The following ASTN2 variants were observed in gnomAD, a reference collection of about 807,000 sequenced individuals.
ASTN2 encodes astrotactin 2.
ASTN2 carries 54 observed loss-of-function variants against 139.8 expected under a neutral mutation model. That is an observed-to-expected ratio of 0.39 (90% CI 0.31 to 0.48). The LOEUF is 0.48. ASTN2 is among the 20% of genes least tolerant of loss of function. The pLI is 0.95. For missense variants in ASTN2, 1,565 were observed against 1,725.1 expected (o/e 0.91, Z 1.64); for synonymous variants, 756 against 719.5 (o/e 1.05, Z -0.81).
At chr9:117,003,940 A>C (rs1180121223) in intron 7 of ASTN2, among the ~76,000 whole-genome samples, 2 of 144,538 alleles carry the variant, frequency 1.4e-5, no homozygotes, top group African/African-American at 5.3e-5. Context: ...TGTTTCTTTC[A>C]CGCGCGCGCG....
At chr9:117,053,407 G>A (rs1264643059) in intron 5 of ASTN2, among the ~76,000 whole-genome samples, 2 of 152,042 alleles carry the variant, frequency 1.3e-5, no homozygotes, top group Admixed American at 6.6e-5. Context: ...CGCTATGATC[G>A]TGCCACTGTA....
chr9:117,197,157 T>G (rs1375747443), intron 3 of ASTN2: 1 of 152,302 alleles, frequency 6.6e-6, no homozygotes, highest in East Asian at 1.9e-4. Flanking sequence ...TGTCACCCCA[T>G]TGATCACCAG....
intron 5 of ASTN2, among the ~76,000 whole-genome samples, chr9:117,082,926 A>G (rs867570181): frequency 6.6e-6 from 1 of 152,206 alleles, no homozygotes; most frequent in Non-Finnish European, 1.5e-5. Context: ...CCTCTCGTCC[A>G]TATTTCAGGT....
At chr9:117,260,479 C>T (rs1833795517) in intron 2 of ASTN2, among the ~76,000 whole-genome samples, 1 of 152,092 alleles carries the variant, frequency 6.6e-6, no homozygotes, top group South Asian at 2.1e-4. Flanking sequence ...ACTTCATGTG[C>T]TTTAGTGCAT....
intron 10 of ASTN2, among the ~76,000 whole-genome samples, chr9:116,925,235 C>A (rs1834721780): frequency 6.6e-6 from 1 of 152,170 alleles, no homozygotes; most frequent in African/African-American, 2.4e-5. Context: ...ACCACCACTA[C>A]CATCATCATA....
intron 13 of ASTN2, among the ~76,000 whole-genome samples, chr9:116,759,591 G>C (rs1339825444): frequency 6.6e-6 from 1 of 152,022 alleles, no homozygotes; most frequent in Non-Finnish European, 1.5e-5. Flanking sequence ...CTTTCTGCTT[G>C]TATACTGATG....
chr9:117,179,956 T>C (rs1201941305), intron 3 of ASTN2, among the ~76,000 whole-genome samples: 1 of 152,238 alleles, frequency 6.6e-6, no homozygotes, highest in South Asian at 2.1e-4. Context: ...GGTTCTCATT[T>C]GATAGATGGG....
chr9:116,869,187 A>G (rs1833091259), intron 10 of ASTN2, among the ~76,000 whole-genome samples: 1 of 152,188 alleles, frequency 6.6e-6, no homozygotes, highest in African/African-American at 2.4e-5. Context: ...TCCTGTCTCA[A>G]AAAGAAAGAA....
At chr9:117,293,395 C>T (rs1016198145) in intron 1 of ASTN2, among the ~76,000 whole-genome samples, 1 of 152,122 alleles carries the variant, frequency 6.6e-6, no homozygotes, top group African/African-American at 2.4e-5. Flanking sequence ...ACAGTCTTTG[C>T]ATGGCCTCCT....
At chr9:117,174,278 C>T (rs1398655335) in intron 3 of ASTN2, among the ~76,000 whole-genome samples, 3 of 151,680 alleles carry the variant, frequency 2.0e-5, no homozygotes, top group African/African-American at 7.3e-5. Flanking sequence ...TAATATTAAA[C>T]AACACAAGAC....
At chr9:117,165,821 T>C (rs1278658913) in intron 3 of ASTN2, among the ~76,000 whole-genome samples, 1 of 152,060 alleles carries the variant, frequency 6.6e-6, no homozygotes, top group Non-Finnish European at 1.5e-5. Context: ...CCTATAAAAT[T>C]GGTTGTATGG....
intron 13 of ASTN2, among the ~76,000 whole-genome samples, chr9:116,796,615 T>C (rs749337096): frequency 4.6e-5 from 7 of 152,010 alleles, no homozygotes; most frequent in Non-Finnish European, 1.0e-4. Flanking sequence ...CAGAAACTCA[T>C]AGGAGCAGAG....
At chr9:117,251,287 A>AT (rs57577627) in intron 2 of ASTN2, among the ~76,000 whole-genome samples, 123 of 145,998 alleles carry the variant, frequency 8.4e-4, no homozygotes, top group East Asian at 1.4e-3. Context: ...AACAAATGCT[A>AT]TTTTTTTTTT....
intron 7 of ASTN2, among the ~76,000 whole-genome samples, chr9:116,981,732 G>A (rs1836517698): frequency 6.6e-6 from 1 of 152,150 alleles, no homozygotes; most frequent in Non-Finnish European, 1.5e-5. Flanking sequence ...CTAAAAATGA[G>A]AGCATTGACA....
chr9:116,781,961 G>A (rs1830230373), intron 13 of ASTN2, among the ~76,000 whole-genome samples: 1 of 152,162 alleles, frequency 6.6e-6, no homozygotes, highest in African/African-American at 2.4e-5. Context: ...TACACAGCTA[G>A]TTAGTGGCAG....
chr9:117,333,251 T>C (rs10983624), intron 1 of ASTN2, among the ~76,000 whole-genome samples: 9,278 of 152,212 alleles, frequency 0.061, 515 homozygotes, highest in East Asian at 0.23. Flanking sequence ...TGCCACCTCA[T>C]TGAATGTTCA....
intron 12 of ASTN2, among the ~76,000 whole-genome samples, chr9:116,818,011 A>G (rs901517199): frequency 6.6e-5 from 10 of 151,724 alleles, no homozygotes; most frequent in African/African-American, 2.4e-4. Context: ...CACTTACCAG[A>G]TATGTGACCT....
At chr9:117,024,547 T>C (rs543754524) in intron 6 of ASTN2, among the ~76,000 whole-genome samples, 25 of 152,104 alleles carry the variant, frequency 1.6e-4, no homozygotes, top group Non-Finnish European at 2.9e-4. Context: ...CCGAAAGTAG[T>C]GTATGGTTCA....
intron 22 of ASTN2, among the ~76,000 whole-genome samples, chr9:116,438,337 A>G (rs1309283108): frequency 6.6e-6 from 1 of 152,142 alleles, no homozygotes; most frequent in African/African-American, 2.4e-5. Flanking sequence ...AAAGCTTACC[A>G]TTACCCTAAG....
Sources: allele counts gnomAD v4.1 joint callset (sites outside exome capture counted in the v4.1 genomes callset), GRCh38; gene constraint gnomAD v4.1.1; transcripts MANE v1.5; gene names NCBI Gene and HGNC (gene_info 2026-07-23, HGNC 2026-07-21).